Variants in GTF2F2 observed in about 807,000 individuals in gnomAD.
GTF2F2 encodes ATP-dependent helicase GTF2F2.
GTF2F2 carries 23 observed loss-of-function variants against 42.2 expected under a neutral mutation model. That is an observed-to-expected ratio of 0.55 (90% CI 0.39 to 0.77). The LOEUF (loss-of-function observed/expected upper bound fraction) is 0.77. GTF2F2 is among the 30% of genes least tolerant of loss of function. GTF2F2 has a pLI of 0.00. For synonymous variants in GTF2F2, 105 were observed against 100.8 expected (o/e 1.04, Z -0.25); for missense variants, 261 against 287.2 (o/e 0.91, Z 0.66).
At chr13:45,254,132 T>TGA (rs370956508) in intron 6 of GTF2F2, among the ~76,000 whole-genome samples, 10 of 143,264 alleles carry the variant, frequency 7.0e-5, no homozygotes, top group East Asian at 2.0e-4. Flanking sequence ...TTTGAGAGAG[T>TGA]GAGAGAGAGA....
At chr13:45,142,849 G>A (rs1384786262) in intron 2 of GTF2F2, among the ~76,000 whole-genome samples, 1 of 152,108 alleles carries the variant, frequency 6.6e-6, no homozygotes, top group Non-Finnish European at 1.5e-5. Flanking sequence ...CAGTGCATGT[G>A]ACTAGGTTAT....
intron 7 of GTF2F2, among the ~76,000 whole-genome samples, chr13:45,278,946 C>G (rs1877147380): frequency 6.6e-6 from 1 of 150,464 alleles, no homozygotes; most frequent in Non-Finnish European, 1.5e-5. Context: ...GCCTCAGCCT[C>G]CTGAATAGCT....
intron 6 of GTF2F2, among the ~76,000 whole-genome samples, chr13:45,260,310 G>A (rs1207140661): frequency 6.6e-6 from 1 of 152,174 alleles, no homozygotes; most frequent in Non-Finnish European, 1.5e-5. Context: ...ATATTTGCCT[G>A]TTATAATACA....
At chr13:45,184,961 G>A (rs1169925859) in intron 4 of GTF2F2, among the ~76,000 whole-genome samples, 3 of 152,088 alleles carry the variant, frequency 2.0e-5, no homozygotes, top group South Asian at 4.1e-4. Flanking sequence ...ATAGGTGTGG[G>A]CCACCACGCC....
chr13:45,191,222 AAAATATATATATATAT>A (rs1872616775), intron 4 of GTF2F2, among the ~76,000 whole-genome samples: 3 of 69,986 alleles, frequency 4.3e-5, no homozygotes, highest in African/African-American at 2.2e-4. Context: ...ATACAAAAAA[AAAATATATATATATAT>A]ATATATATAT....
chr13:45,194,273 G>A, intron 4 of GTF2F2: 1 of 1,614,164 alleles, frequency 6.2e-7, no homozygotes, highest in South Asian at 1.1e-5. Context: ...TCGGGCAATA[G>A]AAGTTCTCCA....
intron 2 of GTF2F2, 142 bp downstream of exon 2, chr13:45,136,948 G>A: frequency 1.6e-6 from 1 of 611,784 alleles, no homozygotes; most frequent in Non-Finnish European, 2.9e-6. Context: ...GTCAGGAGAT[G>A]GTTAGGTGCC....
intron 4 of GTF2F2, among the ~76,000 whole-genome samples, chr13:45,154,753 C>A (rs1870670004): frequency 6.6e-6 from 1 of 152,068 alleles, no homozygotes; most frequent in South Asian, 2.1e-4. Flanking sequence ...CAAATATTAG[C>A]TGTTGTTGTT....
In GTF2F2 at chr13:45,284,564, A is replaced by G. The variant is rs1195944061; in HGVS notation, c.*1003A>G. The G allele has an allele frequency of 3.9e-5, 6 of 152,354 alleles. No homozygotes were observed. The South Asian group carries it at 1.2e-3, about 32-fold the overall frequency. 9.4% of individuals were successfully genotyped at this position (152,354 alleles called of 1,614,324 possible). ...CCATCAAACAAAACAAAGAAGCTTA[A>G]GTGAACTAAGCACAGGGAAAAGTTG... On this transcript the variant is annotated 3_prime_UTR_variant, in exon 8 of 8. Transcript: ENST00000340473.
At chr13:45,271,889 A>T (rs192291808) in intron 7 of GTF2F2, among the ~76,000 whole-genome samples, 1 of 152,162 alleles carries the variant, frequency 6.6e-6, no homozygotes, top group Non-Finnish European at 1.5e-5. Flanking sequence ...TTTAAGCTTT[A>T]TCTTAGTTCA....
Position 45,215,773 on chromosome 13 carries a change from G to T in GTF2F2, c.386+8268G>T, listed in dbSNP as rs563148026. On this transcript the variant is annotated intron_variant, in intron 5 of 7. Coordinates refer to ENST00000340473, the MANE Select transcript of GTF2F2 (RefSeq NM_004128.3). ...ACTCTGTCTGAAAAAAAAAAAAAAA[G>T]ACTAAAACTGTTTGTTTTAAGAAAG... Among the ~76,000 whole-genome samples, 917 of 144,688 alleles carry T rather than the reference G, an allele frequency of 6.3e-3. 10 individuals carry two copies. Among genetic ancestry groups the T allele is most frequent in the African/African-American group, 0.022 (876 of 39,772 alleles). The allele number at this position is 144,688 out of a possible 152,430, so 94.9% of individuals were successfully genotyped here. A position where few individuals can be genotyped will look rare whatever the true frequency, so the allele number is the denominator to read the frequency against.
intron 1 of GTF2F2, among the ~76,000 whole-genome samples, chr13:45,125,344 G>T (rs768759511): frequency 3.3e-5 from 5 of 151,328 alleles, no homozygotes; most frequent in African/African-American, 9.7e-5. Context: ...TTTTTGAGAC[G>T]GAGTGTCGCT....
In GTF2F2 at chr13:45,267,736, G is replaced by A. The variant is rs775542430; in HGVS notation, c.630+360G>A. Among the ~76,000 whole-genome samples the A allele has an allele frequency of 2.7e-5, 4 of 150,658 alleles. No individual in the cohort carries two copies. In the East Asian group the frequency reaches 5.8e-4, roughly 22 times the overall value. ...GGAAAACATGCCTCATAGAAAAATC[G>A]CATTCTTTAAAGAATTATACTGTTT... is the stretch of plus-strand genomic sequence containing the variant. On this transcript the variant is annotated intron_variant, in intron 7 of 7. Coordinates refer to ENST00000340473, the MANE Select transcript of GTF2F2 (RefSeq NM_004128.3).
rs371260690 is a variant in GTF2F2, at chr13:45,221,471, A to G, written c.386+13966A>G. ...CACTGAGGGACTTATCCATGTAACC[A>G]AAAACCATCTGTACCCCCCAAAACT... On this transcript the variant is annotated intron_variant, in intron 5 of 7. Coordinates refer to ENST00000340473, the MANE Select transcript of GTF2F2 (RefSeq NM_004128.3). Among the ~76,000 whole-genome samples, 22 of 152,306 alleles carry G rather than the reference A, an allele frequency of 1.4e-4. No homozygotes were observed. In the South Asian group the frequency reaches 4.6e-3, roughly 32 times the overall value.
intron 5 of GTF2F2, among the ~76,000 whole-genome samples, chr13:45,222,664 T>G (rs576233659): frequency 1.3e-5 from 2 of 152,338 alleles, no homozygotes; most frequent in African/African-American, 4.8e-5. Context: ...CAGAAATGCA[T>G]GTAAACCCAT....
At chr13:45,167,187 A>G (rs1871331876) in intron 4 of GTF2F2, among the ~76,000 whole-genome samples, 1 of 151,464 alleles carries the variant, frequency 6.6e-6, no homozygotes, top group African/African-American at 2.4e-5. Context: ...AAAATAATAA[A>G]GGGTAAAAAG....
chr13:45,272,429 A>AC (rs1167224414), intron 7 of GTF2F2, among the ~76,000 whole-genome samples: 1 of 142,846 alleles, frequency 7.0e-6, no homozygotes, highest in Non-Finnish European at 1.5e-5. Context: ...CTCTTTAAAA[A>AC]AAAAAAAAAA....
At chr13:45,259,630 T>A (rs1399229897) in intron 6 of GTF2F2, among the ~76,000 whole-genome samples, 2 of 151,258 alleles carry the variant, frequency 1.3e-5, no homozygotes, top group African/African-American at 4.9e-5. Context: ...GGAAACCTCT[T>A]TCTCGCAAAC....
chr13:45,175,190 T>C (rs917355977), intron 4 of GTF2F2, among the ~76,000 whole-genome samples: 3 of 152,210 alleles, frequency 2.0e-5, no homozygotes, highest in African/African-American at 2.4e-5. Context: ...TGAGAACATA[T>C]GATATTTGTC....
Sources: gnomAD v4.1 joint callset for allele counts (sites outside exome capture counted in the v4.1 genomes callset) on GRCh38, gnomAD v4.1.1 for gene constraint, MANE v1.5 for transcripts, NCBI Gene and HGNC (gene_info 2026-07-23, HGNC 2026-07-21) for gene names.